NR2E1: variants seen among roughly 807,000 people sequenced by gnomAD.
The protein encoded by NR2E1 is nuclear receptor subfamily 2 group E member 1.
In NR2E1, 5 loss-of-function variants were observed where a neutral mutation model predicts 43.6. The ratio of observed to expected loss-of-function variants is 0.11; its 90% CI spans 0.06 to 0.24. NR2E1 has a LOEUF of 0.24. Ranked by LOEUF, NR2E1 falls within the 10% of genes least tolerant of loss-of-function variation. The probability of loss-of-function intolerance (pLI) is 1.00; values close to 1 mark genes in which losing one functional copy is unlikely to be tolerated. For synonymous variants in NR2E1, 191 were observed against 195.5 expected (o/e 0.98, Z 0.19); for missense variants, 287 against 496.7 (o/e 0.58, Z 4.01).
chr6:108,167,395 C>A (rs1459252219), intron 1 of NR2E1, among the ~76,000 whole-genome samples: 1 of 152,180 alleles, frequency 6.6e-6, no homozygotes, highest in African/African-American at 2.4e-5. Context: ...CTTTTCGAGC[C>A]GGAGCCCAGC....
In NR2E1 at chr6:108,169,974, C is replaced by T. The variant is rs1023917362; in HGVS notation, c.26-1484C>T. Among the ~76,000 whole-genome samples the T allele has an allele frequency of 1.3e-5, 2 of 151,886 alleles. No homozygotes were observed. The highest frequency in any genetic ancestry group is 1.3e-4 in the Admixed American group (2 of 15,248). On this transcript the variant is annotated intron_variant, in intron 1 of 8. Coordinates refer to ENST00000368986, the MANE Select transcript of NR2E1 (RefSeq NM_003269.5). This position sits in a 1 kb window ranked among gnomAD's most constrained non-coding sequence, Gnocchi z 6.1. ...CCCCTCACCCCCAAGCACGGTCCCC[C>T]GCGCTCTCCTTCCCCCACCCCCTCC...
intron 8 of NR2E1, among the ~76,000 whole-genome samples, chr6:108,185,401 C>CACACAT (rs1480561905): frequency 2.1e-5 from 2 of 94,666 alleles, no homozygotes; most frequent in East Asian, 4.5e-4. Flanking sequence ...CACACACGCA[C>CACACAT]ACACACATAC....
At chr6:108,170,806 A>C (rs894353998) in intron 1 of NR2E1, among the ~76,000 whole-genome samples, 1 of 152,164 alleles carries the variant, frequency 6.6e-6, no homozygotes, top group African/African-American at 2.4e-5. Context: ...TGCGGAGAAA[A>C]TAATTTTTTC....
intron 3 of NR2E1, among the ~76,000 whole-genome samples, chr6:108,175,836 A>G (rs2114675649): frequency 6.6e-6 from 1 of 152,356 alleles, no homozygotes; most frequent in African/African-American, 2.4e-5. Flanking sequence ...TGTATTGACA[A>G]GTTGTCAAGC....
rs1283748223 is a variant in NR2E1 at position 108,187,526 on chromosome 6, C to T, written c.*63C>T. Reference sequence around the variant, plus strand: ...CAGATGAACTTCAACCCATGGAGAACAAGCCTCAACTAACAAACCCTTCAG... The same window carrying T: ...CAGATGAACTTCAACCCATGGAGAATAAGCCTCAACTAACAAACCCTTCAG... On this transcript the variant is annotated 3_prime_UTR_variant, in exon 9 of 9. Coordinates refer to ENST00000368986, the MANE Select transcript of NR2E1 (RefSeq NM_003269.5). 6.5e-7 allele frequency: 1 copy of T among 1,549,002 alleles called. No homozygotes were observed. Among genetic ancestry groups the T allele is most frequent in the African/African-American group, 1.4e-5 (1 of 73,584 alleles).
chr6:108,170,193 G>C (rs1025577767), intron 1 of NR2E1, among the ~76,000 whole-genome samples: 11 of 152,106 alleles, frequency 7.2e-5, no homozygotes, highest in African/African-American at 2.4e-4. Flanking sequence ...AAGCGCTTTC[G>C]GCAGCAGCTG....
chr6:108,181,475 T>G (rs1773984598), intron 7 of NR2E1, 71 bp from the exon 8 acceptor site: 2 of 1,287,490 alleles, frequency 1.6e-6, no homozygotes, highest in South Asian at 2.4e-5. Context: ...ATTACAGGCG[T>G]GAGCACTGCG....
chr6:108,173,202 T>G (rs932757440), intron 2 of NR2E1, among the ~76,000 whole-genome samples: 2 of 152,244 alleles, frequency 1.3e-5, no homozygotes, highest in Non-Finnish European at 2.9e-5. Context: ...GCGCTAGATA[T>G]TTATATACAT....
intron 8 of NR2E1, among the ~76,000 whole-genome samples, chr6:108,186,212 C>T (rs973388529): frequency 6.6e-5 from 10 of 152,186 alleles, no homozygotes; most frequent in Admixed American, 5.2e-4. Context: ...CTGGTGGCCC[C>T]TATCTGCAGG....
chr6:108,168,037 C>G (rs775905903), intron 1 of NR2E1: 21 of 1,597,962 alleles, frequency 1.3e-5, no homozygotes, highest in Middle Eastern at 1.7e-4. Flanking sequence ...ATGTTTCGAG[C>G]TGGGGCAGAG....
chr6:108,187,513 A>G lies in NR2E1; in HGVS notation c.*50A>G. 1 of 1,591,574 alleles carries G rather than the reference A, an allele frequency of 6.3e-7. No homozygotes were observed. The highest frequency in any genetic ancestry group is 1.1e-5 in the South Asian group (1 of 90,416). ...GATGGGACAGTATCAGATGAACTTC[A>G]ACCCATGGAGAACAAGCCTCAACTA... On this transcript the variant is annotated 3_prime_UTR_variant, in exon 9 of 9. Coordinates refer to ENST00000368986, the MANE Select transcript of NR2E1 (RefSeq NM_003269.5).
chr6:108,180,450 G>A lies in NR2E1; in HGVS notation c.739+31G>A, dbSNP rs771303890. On this transcript the variant is annotated intron_variant, in intron 6 of 8. Transcript: ENST00000368986. The surrounding 1 kb of genome is among the most constrained non-coding windows in gnomAD (Gnocchi z 5.4). ...AATTGCACAATTTAATGACTTTGTT[G>A]TAGAAATTACCATAAAAATACATTA... The A allele has an allele frequency of 2.1e-6, 3 of 1,407,458 alleles. No individual in the cohort carries two copies. The highest frequency in any genetic ancestry group is 2.0e-6 in the Non-Finnish European group (2 of 991,708). The allele number at this position is 1,407,458 out of a possible 1,614,324, so 87.2% of individuals were successfully genotyped here.
In NR2E1 at chr6:108,171,463, A is replaced by G; in HGVS notation, c.31A>G (p.Ile11Val). MSKPAGSTSR[I>V]LDIPCKVCGD... is the part of the protein sequence containing the mutation. ...CGTCTTTCCTGCGATTTCAGGCCGC[A>G]TTTTAGATATCCCCTGCAAAGTGTG... Residue 11 changes from isoleucine (I) to valine (V), a missense_variant, in exon 2 of 9, where the codon ATT (isoleucine) becomes GTT (valine). Transcript: ENST00000368986. 6.2e-7 allele frequency: 1 copy of G among 1,612,772 alleles called. No homozygotes were observed. The highest frequency in any genetic ancestry group is 8.5e-7 in the Non-Finnish European group (1 of 1,179,788).
Position 108,169,803 on chromosome 6 carries a change from G to A in NR2E1, c.26-1655G>A, listed in dbSNP as rs1773774750. Among the ~76,000 whole-genome samples the A allele has an allele frequency of 6.6e-6, 1 of 152,064 alleles. No homozygotes were observed. The highest frequency in any genetic ancestry group is 2.4e-5 in the African/African-American group (1 of 41,412). ...GTGGGAGGGGGGCGCCGAGCCGGTG[G>A]CCGCCGCGCCGCGCGCCTCCCCTGC... On this transcript the variant is annotated intron_variant, in intron 1 of 8. Transcript: ENST00000368986. The surrounding 1 kb of genome is among the most constrained non-coding windows in gnomAD (Gnocchi z 6.1).
intron 2 of NR2E1, among the ~76,000 whole-genome samples, chr6:108,174,609 G>T (rs1773866011): frequency 6.6e-6 from 1 of 152,078 alleles, no homozygotes. Flanking sequence ...CCGCTTTCTT[G>T]GGGTCCGGGA....
In NR2E1 at chr6:108,166,736, C is replaced by A; in HGVS notation, c.-30C>A. The A allele has an allele frequency of 6.5e-7, 1 of 1,549,116 alleles. No individual in the cohort carries two copies. The highest frequency in any genetic ancestry group is 2.4e-5 in the East Asian group (1 of 41,874). On this transcript the variant is annotated 5_prime_UTR_variant, in exon 1 of 9. Transcript: ENST00000368986. The surrounding 1 kb of genome is among the most constrained non-coding windows in gnomAD (Gnocchi z 7.2). ...TGCCGGCCGGGACTCGGGCAGCGCCCACCAACCGCTCCGCCCCGGGACAGC... is the reference window on the plus strand; with the variant it reads ...TGCCGGCCGGGACTCGGGCAGCGCCAACCAACCGCTCCGCCCCGGGACAGC...
At chr6:108,174,759 T>C in intron 2 of NR2E1, 77 bp from the exon 3 acceptor site, 1 of 1,304,828 alleles carries the variant, frequency 7.7e-7, no homozygotes, top group Non-Finnish European at 1.1e-6. Flanking sequence ...TCCACACCGT[T>C]TCCCCGCCCG....
chr6:108,177,175 C>A (rs907046201), intron 4 of NR2E1, among the ~76,000 whole-genome samples: 7 of 152,180 alleles, frequency 4.6e-5, no homozygotes, highest in South Asian at 2.1e-4. Flanking sequence ...AGGAAGGGCT[C>A]CAGAATTCCA....
intron 3 of NR2E1, among the ~76,000 whole-genome samples, chr6:108,175,582 C>T (rs1185188328): frequency 6.6e-6 from 1 of 152,234 alleles, no homozygotes; most frequent in Non-Finnish European, 1.5e-5. Context: ...ACCAGGACGT[C>T]AGAGTGCTTC....
Sources: allele counts gnomAD v4.1 joint callset (sites outside exome capture counted in the v4.1 genomes callset), GRCh38; gene constraint gnomAD v4.1.1; non-coding constraint Gnocchi (gnomAD v3.1); transcripts MANE v1.5; gene names NCBI Gene and HGNC (gene_info 2026-07-23, HGNC 2026-07-21).